The following GALNT13 variants were observed in gnomAD, a reference collection of about 807,000 sequenced individuals.
GALNT13 encodes polypeptide N-acetylgalactosaminyltransferase 13.
Under a neutral mutation model 64.2 loss-of-function variants are expected in GALNT13, and 28 were observed. The ratio of observed to expected loss-of-function variants is 0.44; its 90% confidence interval spans 0.32 to 0.60. GALNT13 has a LOEUF of 0.60. Among genes scored for constraint, GALNT13 ranks in the 20% least tolerant of loss-of-function variants. The pLI, the probability that GALNT13 is intolerant of heterozygous loss-of-function variation, is 0.05. For synonymous variants in GALNT13, 214 were observed against 224.6 expected (o/e 0.95, Z 0.42); for missense variants, 577 against 669.8 (o/e 0.86, Z 1.53).
chr2:153,626,869 G>A, the GALNT13 span, among the ~76,000 whole-genome samples: 32 of 152,162 alleles, frequency 2.1e-4, no homozygotes, highest in African/African-American at 7.5e-4. Flanking sequence ...GCGCTGGTTT[G>A]AATTCAAAGA....
intron 1 of GALNT13, among the ~76,000 whole-genome samples, chr2:153,883,247 T>G (rs1686905352): frequency 6.6e-6 from 1 of 151,742 alleles, no homozygotes; most frequent in Admixed American, 6.6e-5. Context: ...GAGAAAAATC[T>G]ATCAATTCTA....
In GALNT13 at chr2:154,154,914, G is replaced by T. The variant is rs190940397; in HGVS notation, c.311+14409G>T. On this transcript the variant is annotated intron_variant, in intron 4 of 12. Coordinates refer to ENST00000392825, the MANE Select transcript of GALNT13 (RefSeq NM_052917.4). ...AAATTGGGTGACTAGGAGATTTGTG[G>T]TTTTGCTGATTGTTTATGTTTGTGT... Among the ~76,000 whole-genome samples, 324 of 147,624 alleles carry T rather than the reference G, an allele frequency of 2.2e-3. 2 individuals carry two copies. The highest frequency in any genetic ancestry group is 7.3e-3 in the African/African-American group (292 of 40,110).
chr2:153,755,827 C>T, the GALNT13 span, among the ~76,000 whole-genome samples: 1,744 of 152,186 alleles, frequency 0.011, 43 homozygotes, highest in African/African-American at 0.04. Context: ...GATATCATTA[C>T]AATAAGTACC....
intron 8 of GALNT13, among the ~76,000 whole-genome samples, chr2:154,271,075 G>A (rs1186153225): frequency 6.6e-6 from 1 of 151,876 alleles, no homozygotes; most frequent in Non-Finnish European, 1.5e-5. Flanking sequence ...ATTAGTGGCT[G>A]GTCATGAAAA....
intron 11 of GALNT13, among the ~76,000 whole-genome samples, chr2:154,409,895 CA>C (rs1699718824): frequency 6.6e-6 from 1 of 151,840 alleles, no homozygotes; most frequent in Admixed American, 6.6e-5. Flanking sequence ...AGATTTATTA[CA>C]AAAATACTTG....
the GALNT13 span, among the ~76,000 whole-genome samples, chr2:153,823,577 T>C: frequency 1.4e-4 from 21 of 151,442 alleles, no homozygotes; most frequent in African/African-American, 5.1e-4. Context: ...TGCAGAACAA[T>C]CAAATTAGAC....
chr2:153,985,169 G>A (rs1480641278), intron 3 of GALNT13, among the ~76,000 whole-genome samples: 1 of 151,922 alleles, frequency 6.6e-6, no homozygotes, highest in Non-Finnish European at 1.5e-5. Flanking sequence ...TAGTATTTAT[G>A]ACTTATTAAA....
At chr2:154,111,883 A>C (rs1703005730) in intron 3 of GALNT13, among the ~76,000 whole-genome samples, 1 of 152,144 alleles carries the variant, frequency 6.6e-6, no homozygotes, top group African/African-American at 2.4e-5. Flanking sequence ...AAACATGGTA[A>C]GACCAGTGAA....
the GALNT13 span, among the ~76,000 whole-genome samples, chr2:153,135,226 A>G: frequency 4.3e-4 from 66 of 152,178 alleles, no homozygotes; most frequent in Non-Finnish European, 8.8e-4. Context: ...TACCAATCTT[A>G]TTGTATTAGG....
chr2:153,698,924 T>C, the GALNT13 span, among the ~76,000 whole-genome samples: 1 of 152,244 alleles, frequency 6.6e-6, no homozygotes, highest in Non-Finnish European at 1.5e-5. Flanking sequence ...GTACTCACGA[T>C]TAAGAAATTC....
intron 7 of GALNT13, among the ~76,000 whole-genome samples, chr2:154,253,395 T>A (rs1038562203): frequency 6.6e-6 from 1 of 152,244 alleles, no homozygotes; most frequent in African/African-American, 2.4e-5. Context: ...TTCTGTTGAT[T>A]TACCAACTTC....
intron 3 of GALNT13, among the ~76,000 whole-genome samples, chr2:154,083,245 G>A (rs1336299090): frequency 2.0e-5 from 3 of 151,962 alleles, no homozygotes; most frequent in African/African-American, 7.2e-5. Flanking sequence ...TATTTCTGAG[G>A]CCTCTTGTCT....
At chr2:153,867,184 T>C (rs7583580), upstream of GALNT13, among the ~76,000 whole-genome samples, 135,368 of 152,212 alleles carry the variant, frequency 0.89, 60,966 homozygotes, top group Non-Finnish European at 0.94. Flanking sequence ...ACTAGCAGTT[T>C]CTGCCCAACC....
At chr2:153,869,781 T>C (rs1685817733), upstream of GALNT13, among the ~76,000 whole-genome samples, 1 of 152,146 alleles carries the variant, frequency 6.6e-6, no homozygotes, top group African/African-American at 2.4e-5. Context: ...CCTTGAAATA[T>C]GGCATTATAG....
chr2:153,787,721 A>G, the GALNT13 span, among the ~76,000 whole-genome samples: 2 of 152,234 alleles, frequency 1.3e-5, no homozygotes, highest in Non-Finnish European at 2.9e-5. Context: ...GAGCTGACAG[A>G]CAAAATAGGT....
chr2:153,696,962 T>C, the GALNT13 span, among the ~76,000 whole-genome samples: 1 of 152,296 alleles, frequency 6.6e-6, no homozygotes, highest in East Asian at 1.9e-4. Flanking sequence ...AAAGAACTTA[T>C]AGAAAAACAG....
the GALNT13 span, among the ~76,000 whole-genome samples, chr2:153,441,612 C>T: frequency 6.6e-6 from 1 of 152,178 alleles, no homozygotes; most frequent in Non-Finnish European, 1.5e-5. Context: ...TTTGTGTCCT[C>T]TCTTATTTCC....
chr2:153,927,586 C>T (rs1690238959), intron 2 of GALNT13, among the ~76,000 whole-genome samples: 1 of 151,958 alleles, frequency 6.6e-6, no homozygotes, highest in South Asian at 2.1e-4. Flanking sequence ...GTTTTCTTTG[C>T]TAATAAGAAT....
At chr2:153,855,077 T>C in the GALNT13 span, among the ~76,000 whole-genome samples, 2 of 152,140 alleles carry the variant, frequency 1.3e-5, no homozygotes, top group African/African-American at 4.8e-5. Context: ...ACTAGATTTG[T>C]GACAAAGTTG....
Sources: gnomAD v4.1 joint callset for allele counts (sites outside exome capture counted in the v4.1 genomes callset) on GRCh38, gnomAD v4.1.1 for gene constraint, MANE v1.5 for transcripts, NCBI Gene and HGNC (gene_info 2026-07-23, HGNC 2026-07-21) for gene names.